CD300LB: variants seen among roughly 807,000 people sequenced by gnomAD.
CD300LB encodes CD300 molecule like family member b.
CD300LB carries 18 observed loss-of-function variants against 20.8 expected under a neutral mutation model. The ratio of observed to expected loss-of-function variants is 0.87; its 90% CI spans 0.60 to 1.28. The LOEUF (loss-of-function observed/expected upper bound fraction) is 1.28, where lower values mean the gene tolerates loss of function less well. Ranked by LOEUF, CD300LB falls within the 50% of genes most tolerant of loss-of-function variation. The pLI, the probability that CD300LB is intolerant of heterozygous loss-of-function variation, is 0.00. For missense variants in CD300LB, 222 were observed against 251.8 expected, an observed-to-expected ratio of 0.88 and a Z score of 0.80; for synonymous variants, 91 against 91.3, an observed-to-expected ratio of 1.00 and a Z score of 0.02.
intron 2 of CD300LB, among the ~76,000 whole-genome samples, chr17:74,523,856 ATG>A (rs1480363639): frequency 6.6e-6 from 1 of 152,204 alleles, no homozygotes; most frequent in Admixed American, 6.5e-5. Flanking sequence ...TCATGTTCAG[ATG>A]TGGCAAGAAA....
At chr17:74,530,601 C>T (rs1908178879) in intron 1 of CD300LB, among the ~76,000 whole-genome samples, 1 of 148,240 alleles carries the variant, frequency 6.7e-6, no homozygotes, top group Non-Finnish European at 1.5e-5. Flanking sequence ...ACCCAACTCT[C>T]TAGAGTGTTC....
chr17:74,523,563 G>T lies in CD300LB; in HGVS notation c.443+16C>A. On this transcript the variant is annotated intron_variant, in intron 3 of 3. Transcript: ENST00000392621. ...GGACCCCAGGTAGGGGCAGGAGAAA[G>T]AACCACATGACTCACCTCTTGTGGG... 1 of 1,590,280 alleles carries T rather than the reference G, an allele frequency of 6.3e-7. No individual in the cohort carries two copies.
chr17:74,525,906 T>C lies in CD300LB; in HGVS notation c.212A>G (p.Glu71Gly). Reference sequence around the variant, plus strand: ...CTTGATGGACACACGGTCACTCTTCTCTCCTTGCTCCGACCCTCTGGTTTC... The same window carrying C: ...CTTGATGGACACACGGTCACTCTTCCCTCCTTGCTCCGACCCTCTGGTTTC... ...LIETRGSEQG[E>G]KSDRVSIKDN... is the part of the protein sequence containing the mutation. The change falls in exon 2 of 4, where the codon GAG (glutamate) becomes GGG (glycine). Residue 71 changes from glutamate to glycine, a missense_variant. Physicochemically the swap from Glu to Gly is moderately conservative, Grantham distance 98. Transcript: ENST00000392621. 1 of 1,614,124 alleles carries C rather than the reference T, an allele frequency of 6.2e-7. No homozygotes were observed. Among genetic ancestry groups the C allele is most frequent in the Non-Finnish European group, 8.5e-7 (1 of 1,180,028 alleles).
Position 74,522,350 on chromosome 17 carries a change from C to T in CD300LB, c.*388G>A, listed in dbSNP as rs796964149. 23 of 1,001,790 alleles carry T rather than the reference C, an allele frequency of 2.3e-5. 1 individual carries two copies. The highest frequency in any genetic ancestry group is 5.0e-4 in the Middle Eastern group (1 of 1,994). The allele number at this position is 1,001,790 out of a possible 1,614,324, so 62.1% of individuals were successfully genotyped here. On this transcript the variant is annotated 3_prime_UTR_variant, in exon 4 of 4. Transcript: ENST00000392621. ...GATATATCAGGTTCTCAGGCAAAGA[C>T]GGTGTTGAGTTGGTCTCCGGAATGA... is the stretch of plus-strand genomic sequence containing the variant.
intron 1 of CD300LB, among the ~76,000 whole-genome samples, chr17:74,530,887 T>C (rs1003313132): frequency 2.0e-5 from 3 of 152,018 alleles, no homozygotes; most frequent in African/African-American, 4.8e-5. Context: ...CTCTGCAGAA[T>C]TGAATACCTG....
chr17:74,526,025 G>A lies in CD300LB; in HGVS notation c.93C>T (p.Ser31=), dbSNP rs111972938. The part of the protein sequence containing the change: ...PESVRAPEQG[S]LTVQCHYKQG... Reference sequence around the variant, plus strand: ...GCTTATAGTGGCATTGAACCGTCAGGGACCCCTGCTCTGGGGCTCTCACAG... The same window carrying A: ...GCTTATAGTGGCATTGAACCGTCAGAGACCCCTGCTCTGGGGCTCTCACAG... Residue 31 remains serine, a synonymous_variant, in exon 2 of 4, where the codon TCC becomes TCT. Transcript: ENST00000392621. 4.3e-6 allele frequency: 7 copies of A among 1,614,018 alleles called. No individual in the cohort carries two copies. The highest frequency in any genetic ancestry group is 4.0e-5 in the African/African-American group (3 of 74,900).
intron 1 of CD300LB, among the ~76,000 whole-genome samples, chr17:74,526,905 T>C (rs1298826476): frequency 1.3e-5 from 2 of 152,150 alleles, no homozygotes; most frequent in African/African-American, 4.8e-5. Flanking sequence ...CTCTCCAGCC[T>C]TCATCTTGTC....
chr17:74,527,805 AC>A (rs1237770075), intron 1 of CD300LB, among the ~76,000 whole-genome samples: 1 of 152,146 alleles, frequency 6.6e-6, no homozygotes, highest in African/African-American at 2.4e-5. Flanking sequence ...GGGGTTCCCA[AC>A]CCCAGGACAA....
chr17:74,523,724 G>A (rs376742858), intron 2 of CD300LB, 73 bp from the exon 3 acceptor site: 101 of 963,280 alleles, frequency 1.0e-4, no homozygotes, highest in Non-Finnish European at 1.1e-4. Flanking sequence ...AAAGCCACGC[G>A]ACCCTGCCAG....
At chr17:74,527,179 G>A (rs972205491) in intron 1 of CD300LB, among the ~76,000 whole-genome samples, 2 of 152,244 alleles carry the variant, frequency 1.3e-5, no homozygotes, top group Non-Finnish European at 2.9e-5. Context: ...AAGGCCTGGT[G>A]AAAGCTGAAC....
intron 1 of CD300LB, among the ~76,000 whole-genome samples, chr17:74,529,433 T>C (rs1285030544): frequency 6.6e-6 from 1 of 152,148 alleles, no homozygotes; most frequent in Non-Finnish European, 1.5e-5. Context: ...TCCATACTGC[T>C]GCCTGAGTTG....
At chr17:74,531,029 G>T (rs1908195749) in intron 1 of CD300LB, among the ~76,000 whole-genome samples, 1 of 152,056 alleles carries the variant, frequency 6.6e-6, no homozygotes, top group Admixed American at 6.5e-5. Flanking sequence ...GGTCTTAAAC[G>T]CCTGGACTCA....
At position 74,523,691 on chromosome 17, in the gene CD300LB, T is replaced by C. The variant is rs765802456; in HGVS notation, c.371-40A>G. The C allele has an allele frequency of 8.3e-6, 12 of 1,437,570 alleles. No individual in the cohort carries two copies. The East Asian group carries it at 2.0e-4, about 24-fold the overall frequency. 89.1% of individuals were successfully genotyped at this position (1,437,570 alleles called of 1,614,324 possible). A position where few individuals can be genotyped will look rare whatever the true frequency, so the allele number is the denominator to read the frequency against. ...AGTCAGCCATGGGTTATTAGCACAG[T>C]TGGGAGCTCATGCATGGGTCACAAA... On this transcript the variant is annotated intron_variant, in intron 2 of 3. Transcript: ENST00000392621.
chr17:74,524,396 C>G (rs554424634), intron 2 of CD300LB, among the ~76,000 whole-genome samples: 6 of 152,130 alleles, frequency 3.9e-5, no homozygotes, highest in Non-Finnish European at 8.8e-5. Flanking sequence ...TGAAACCAGC[C>G]TGGGCAACAT....
At chr17:74,530,589 A>ACACACACC (rs1218839197) in intron 1 of CD300LB, among the ~76,000 whole-genome samples, 1 of 146,866 alleles carries the variant, frequency 6.8e-6, no homozygotes, top group African/African-American at 2.6e-5. Flanking sequence ...ACACACACAC[A>ACACACACC]CACCCAACTC....
At chr17:74,523,910 GGA>G (rs1251165822) in intron 2 of CD300LB, among the ~76,000 whole-genome samples, 1 of 152,168 alleles carries the variant, frequency 6.6e-6, no homozygotes, top group African/African-American at 2.4e-5. Flanking sequence ...GTTTATTCTG[GGA>G]GAGAGAGGTT....
At position 74,522,551 on chromosome 17, in the gene CD300LB, G is replaced by A. The variant is rs1280623050; in HGVS notation, c.*187C>T. 7.2e-7 allele frequency: 1 copy of A among 1,389,576 alleles called. No individual in the cohort carries two copies. Among genetic ancestry groups the A allele is most frequent in the African/African-American group, 1.5e-5 (1 of 68,700 alleles). The allele number at this position is 1,389,576 out of a possible 1,614,324, so 86.1% of individuals were successfully genotyped here. On this transcript the variant is annotated 3_prime_UTR_variant, in exon 4 of 4. Transcript: ENST00000392621. ...ACCCCAGGAGGTGATGGTGGCTCAG[G>A]AGAGGACCTGGCTAAGTCCCTGAGC...
Position 74,521,664 on chromosome 17 carries a change from G to A in CD300LB, c.*1074C>T. 1 of 985,516 alleles carries A rather than the reference G, an allele frequency of 1.0e-6. No homozygotes were observed. The highest frequency in any genetic ancestry group is 1.2e-6 in the Non-Finnish European group (1 of 829,982). The allele number at this position is 985,516 out of a possible 1,614,324, so 61.0% of individuals were successfully genotyped here. ...TATTAGAACCAAGAGCAGGTTGGAGGCGTCCTCATGGGTGTTCAAAGGGCA... is the reference window on the plus strand; with the variant it reads ...TATTAGAACCAAGAGCAGGTTGGAGACGTCCTCATGGGTGTTCAAAGGGCA... On this transcript the variant is annotated 3_prime_UTR_variant, in exon 4 of 4. Transcript: ENST00000392621.
chr17:74,528,809 C>T lies in CD300LB; in HGVS notation c.40+2502G>A, dbSNP rs759929414. On this transcript the variant is annotated intron_variant, in intron 1 of 3. Transcript: ENST00000392621. ...CCTTATTCATAAGACAGTCATGCTA[C>T]GCTCTACTTTGAAGGTGGTAATAGG... is the stretch of plus-strand genomic sequence containing the variant. Among the ~76,000 whole-genome samples, 8 of 152,284 alleles carry T rather than the reference C, an allele frequency of 5.3e-5. No individual in the cohort carries two copies. In the East Asian group the frequency reaches 5.8e-4, roughly 11 times the overall value.
Sources: gnomAD v4.1 joint callset for allele counts (sites outside exome capture counted in the v4.1 genomes callset) on GRCh38, gnomAD v4.1.1 for gene constraint, MANE v1.5 for transcripts, NCBI Gene and HGNC (gene_info 2026-07-23, HGNC 2026-07-21) for gene names.